Variants in CHODL observed in about 807,000 individuals in gnomAD.
The protein encoded by CHODL is transmembrane protein MT75.
CHODL carries 29 observed loss-of-function variants against 34.5 expected under a neutral mutation model. The observed-to-expected ratio is 0.84, with a 90% CI of 0.63 to 1.15. CHODL has a LOEUF of 1.15. CHODL is among the 50% of genes most tolerant of loss of function. The pLI is 0.00. For synonymous variants in CHODL, 125 were observed against 116.1 expected, an observed-to-expected ratio of 1.08 and a Z score of -0.49; for missense variants, 332 against 332.5, an observed-to-expected ratio of 1.00 and a Z score of 0.01.
chr21:18,048,401 A>G (rs539120138), intron 2 of CHODL, among the ~76,000 whole-genome samples: 1 of 152,070 alleles, frequency 6.6e-6, no homozygotes. Context: ...TGGAATTAAA[A>G]AACAATGAGA....
intron 1 of CHODL, among the ~76,000 whole-genome samples, chr21:18,002,348 G>T (rs1251393744): frequency 6.6e-6 from 1 of 152,192 alleles, no homozygotes; most frequent in Non-Finnish European, 1.5e-5. Flanking sequence ...AGTCTTAAAA[G>T]ATGTCACAAA....
At chr21:17,931,488 T>C (rs957166057) in intron 1 of CHODL, among the ~76,000 whole-genome samples, 1 of 152,180 alleles carries the variant, frequency 6.6e-6, no homozygotes, top group African/African-American at 2.4e-5. Context: ...TCTGGCACCA[T>C]GAAGAAGCAG....
intron 2 of CHODL, among the ~76,000 whole-genome samples, chr21:18,174,467 T>G (rs1015654561): frequency 1.8e-4 from 27 of 152,104 alleles, no homozygotes; most frequent in Admixed American, 1.3e-4. Flanking sequence ...CTACATTGGA[T>G]TATAAAACAC....
intron 1 of CHODL, among the ~76,000 whole-genome samples, chr21:17,925,586 C>T (rs112952405): frequency 6.6e-6 from 1 of 152,160 alleles, no homozygotes; most frequent in African/African-American, 2.4e-5. Context: ...ATGGAGTTTG[C>T]TTTTTCATTG....
At chr21:17,918,704 C>G (rs1488485895) in intron 1 of CHODL, among the ~76,000 whole-genome samples, 11 of 152,150 alleles carry the variant, frequency 7.2e-5, no homozygotes, top group Admixed American at 7.2e-4. Context: ...ACCAATCATG[C>G]CTTCCCAACA....
intron 1 of CHODL, among the ~76,000 whole-genome samples, chr21:17,951,246 C>A (rs1834540967): frequency 6.6e-6 from 1 of 151,976 alleles, no homozygotes; most frequent in African/African-American, 2.4e-5. Flanking sequence ...GCCTAGGATC[C>A]AATTTCCTGT....
intron 3 of CHODL, among the ~76,000 whole-genome samples, 164 bp from the exon 4 acceptor site, chr21:18,260,036 A>G (rs12329889): frequency 0.14 from 20,868 of 152,238 alleles, 1,530 homozygotes; most frequent in Middle Eastern, 0.2. Flanking sequence ...TTATAGTTAG[A>G]TAATTTCATG....
rs957575692 is a variant in CHODL at position 18,232,943 on chromosome 21, A to T, written c.-44-23566A>T. Among the ~76,000 whole-genome samples the T allele has an allele frequency of 7.7e-3, 259 of 33,748 alleles. 2 individuals are homozygous for T. Among genetic ancestry groups the T allele is most frequent in the South Asian group, 0.044 (33 of 752 alleles). The allele number at this position is 33,748 out of a possible 152,430, so 22.1% of individuals were successfully genotyped here. On this transcript the variant is annotated intron_variant, in intron 2 of 6. Transcript: ENST00000400127. ...ATTATGGGGTCCACATGATGTTATG[A>T]TATATATATATATATATATATATAT...
intron 1 of CHODL, among the ~76,000 whole-genome samples, chr21:17,934,044 G>GA (rs560435565): frequency 0.073 from 9,004 of 123,606 alleles, 786 homozygotes; most frequent in African/African-American, 0.21. Context: ...TCTCAAAAAA[G>GA]AAAAAAAAAA....
intron 1 of CHODL, among the ~76,000 whole-genome samples, chr21:17,933,591 G>T (rs539335120): frequency 6.6e-6 from 1 of 152,160 alleles, no homozygotes; most frequent in South Asian, 2.1e-4. Flanking sequence ...CAAGGCAGAA[G>T]AATTTTTCTT....
intron 1 of CHODL, among the ~76,000 whole-genome samples, chr21:17,991,508 T>C (rs2063796433): frequency 6.6e-6 from 1 of 152,086 alleles, no homozygotes; most frequent in Non-Finnish European, 1.5e-5. Context: ...CCAACTATGG[T>C]GAGATGGTAT....
intron 2 of CHODL, among the ~76,000 whole-genome samples, chr21:18,079,394 TTA>T (rs1015916913): frequency 1.4e-5 from 2 of 147,744 alleles, no homozygotes; most frequent in Non-Finnish European, 3.0e-5. Flanking sequence ...CCATAGAATA[TTA>T]TATATATATC....
At chr21:18,083,063 C>G (rs1434059137) in intron 2 of CHODL, among the ~76,000 whole-genome samples, 1 of 152,226 alleles carries the variant, frequency 6.6e-6, no homozygotes, top group African/African-American at 2.4e-5. Context: ...AGCAGTCCAT[C>G]TTATCACAGG....
intron 2 of CHODL, among the ~76,000 whole-genome samples, chr21:18,096,424 G>A (rs1053692612): frequency 6.6e-6 from 1 of 152,186 alleles, no homozygotes; most frequent in Non-Finnish European, 1.5e-5. Context: ...CTTGCAGAAA[G>A]CGAATAGGAG....
intron 1 of CHODL, among the ~76,000 whole-genome samples, chr21:18,000,801 CATATT>C (rs1452759177): frequency 1.3e-5 from 2 of 152,154 alleles, no homozygotes; most frequent in African/African-American, 4.8e-5. Flanking sequence ...GATAAATACT[CATATT>C]AATTATAAAA....
intron 2 of CHODL, among the ~76,000 whole-genome samples, chr21:18,221,618 A>C (rs1396636876): frequency 6.6e-6 from 1 of 152,208 alleles, no homozygotes; most frequent in East Asian, 1.9e-4. Context: ...GTATAGTCTT[A>C]GTATGATTTA....
At chr21:18,038,983 A>C (rs1400330728) in intron 2 of CHODL, among the ~76,000 whole-genome samples, 1 of 151,674 alleles carries the variant, frequency 6.6e-6, no homozygotes, top group Admixed American at 6.6e-5. Context: ...GGATAAAAAG[A>C]AGATAAAGAC....
At chr21:18,177,083 A>C (rs1310507301) in intron 2 of CHODL, among the ~76,000 whole-genome samples, 1 of 152,098 alleles carries the variant, frequency 6.6e-6, no homozygotes, top group Admixed American at 6.6e-5. Context: ...AATTTAAATC[A>C]AGAATACACC....
At chr21:18,211,141 T>TACACACACACACACACACAC (rs3077936) in intron 2 of CHODL, among the ~76,000 whole-genome samples, 165 of 148,782 alleles carry the variant, frequency 1.1e-3, no homozygotes, top group Middle Eastern at 6.8e-3. Flanking sequence ...TACACATGGA[T>TACACACACACACACACACAC]ACACACACAC....
Sources: gnomAD v4.1 joint callset for allele counts (sites outside exome capture counted in the v4.1 genomes callset) on GRCh38, gnomAD v4.1.1 for gene constraint, MANE v1.5 for transcripts, NCBI Gene and HGNC (gene_info 2026-07-23, HGNC 2026-07-21) for gene names.